SRFBP1: variants seen among roughly 807,000 people sequenced by gnomAD.
SRFBP1 encodes serum response factor-binding protein 1.
Under a neutral mutation model 45.5 loss-of-function variants are expected in SRFBP1, and 47 were observed. The ratio of observed to expected loss-of-function variants is 1.03; its 90% CI spans 0.82 to 1.32. SRFBP1 has a LOEUF of 1.32. Among genes scored for constraint, SRFBP1 ranks in the 40% most tolerant of loss-of-function variants. SRFBP1 has a pLI of 0.00. For synonymous variants in SRFBP1, 203 were observed against 166.3 expected (o/e 1.22, Z -1.70); for missense variants, 621 against 484.6 (o/e 1.28, Z -2.64).
chr5:122,048,785 T>C (rs1254584914), intron 2 of SRFBP1, among the ~76,000 whole-genome samples: 1 of 152,196 alleles, frequency 6.6e-6, no homozygotes, highest in Non-Finnish European at 1.5e-5. Context: ...AGGGTATATG[T>C]GTCCAGGAAT....
intron 2 of SRFBP1, among the ~76,000 whole-genome samples, chr5:122,046,368 A>G (rs1382138981): frequency 1.3e-5 from 2 of 152,156 alleles, no homozygotes; most frequent in African/African-American, 4.8e-5. Context: ...CCTACAAAGG[A>G]CATGAACTCA....
intron 2 of SRFBP1, among the ~76,000 whole-genome samples, chr5:122,040,774 T>G (rs1023855605): frequency 2.6e-5 from 4 of 152,190 alleles, no homozygotes; most frequent in African/African-American, 9.6e-5. Flanking sequence ...TATATGTTCT[T>G]GAGTGCTTGA....
rs138886857 is a variant in SRFBP1, at chr5:122,005,199, T to C, written c.270+10529T>C. 1.9e-3 allele frequency among the ~76,000 whole-genome samples: 286 copies of C among 152,282 alleles called. 2 individuals carry two copies. The highest frequency in any genetic ancestry group is 6.5e-3 in the African/African-American group (271 of 41,560). On this transcript the variant is annotated intron_variant, in intron 4 of 7. Coordinates refer to ENST00000339397, the MANE Select transcript of SRFBP1 (RefSeq NM_152546.3). The stretch of plus-strand genomic sequence containing the variant: ...ATACTATTAACCTGATGTTTCCTTA[T>C]TGATTTTCTGCCTCGATGACCTGTG...
In SRFBP1 at chr5:122,019,303, T is replaced by A; in HGVS notation, c.314T>A (p.Val105Glu). The change falls in exon 5 of 8, where the codon GTA becomes GAA. Residue 105 changes from valine (V) to glutamate (E), a missense_variant. Transcript: ENST00000339397. The part of the protein sequence containing the change: ...ATERAIARLA[V>E]HPLLKKKIDV... ...GAAAGAGCAATTGCCAGACTAGCAG[T>A]ACATCCTCTTCTGAAGAAAAAGATA... 1 of 1,612,618 alleles carries A rather than the reference T, an allele frequency of 6.2e-7. No individual in the cohort carries two copies. Among genetic ancestry groups the A allele is most frequent in the African/African-American group, 1.3e-5 (1 of 75,004 alleles).
rs770682980 is a variant in SRFBP1 at position 122,070,165 on chromosome 5, T to C, written n.312-5150T>C. ...GGAACCAGGTAGCTGGGGTTTACAC[T>C]GACCTGGGCAACACAAAGAGTTCCT... On this transcript the variant is annotated intron_variant and non_coding_transcript_variant, in intron 2 of 2. Transcript: ENST00000504881. 4 of 1,561,992 alleles carry C rather than the reference T, an allele frequency of 2.6e-6. No homozygotes were observed. In the South Asian group the frequency reaches 4.4e-5, roughly 17 times the overall value.
In SRFBP1 at chr5:121,969,199, A is replaced by G. The variant is rs144847716; in HGVS notation, c.37-4997A>G. ...AAGAGATTGTGTGAATGAGAAAGCT[A>G]GTTTATTAAAAAACGTGTCTAATAT... On this transcript the variant is annotated intron_variant, in intron 1 of 7. Coordinates refer to ENST00000339397, the MANE Select transcript of SRFBP1 (RefSeq NM_152546.3). Among the ~76,000 whole-genome samples the G allele has an allele frequency of 3.3e-5, 5 of 152,346 alleles. No homozygotes were observed. The East Asian group carries it at 9.6e-4, about 29-fold the overall frequency.
chr5:122,007,618 C>T (rs925768653), intron 4 of SRFBP1, among the ~76,000 whole-genome samples: 4 of 151,142 alleles, frequency 2.6e-5, no homozygotes, highest in South Asian at 2.1e-4. Context: ...GGGGCAGGCC[C>T]GGGACCTGTG....
At chr5:121,975,219 A>C (rs2112819027) in intron 2 of SRFBP1, 96 bp from the exon 3 acceptor site, 2 of 1,266,102 alleles carry the variant, frequency 1.6e-6, no homozygotes, top group African/African-American at 1.5e-5. Context: ...GAGATTTATT[A>C]CGCTTTTCTA....
At chr5:122,034,085 T>G (rs1461403671) in intron 2 of SRFBP1, among the ~76,000 whole-genome samples, 1 of 152,132 alleles carries the variant, frequency 6.6e-6, no homozygotes, top group Non-Finnish European at 1.5e-5. Flanking sequence ...CAGCCTCCCA[T>G]GGTGCTGGGA....
At chr5:122,017,825 T>A (rs547746837) in intron 4 of SRFBP1, among the ~76,000 whole-genome samples, 45 of 152,344 alleles carry the variant, frequency 3.0e-4, no homozygotes, top group Non-Finnish European at 5.4e-4. Context: ...AAATTTAGGA[T>A]AAAGACATTT....
chr5:121,970,537 GTTC>G (rs1561575390), intron 1 of SRFBP1, among the ~76,000 whole-genome samples: 2 of 150,720 alleles, frequency 1.3e-5, no homozygotes, highest in African/African-American at 2.4e-5. Flanking sequence ...CAACGTGGCC[GTTC>G]TTTTTTTTTT....
rs116006529 is a variant in SRFBP1, at chr5:121,968,084, A to G, written c.36+6016A>G. 8.9e-3 allele frequency among the ~76,000 whole-genome samples: 1,361 copies of G among 152,194 alleles called. 7 individuals carry two copies. Among genetic ancestry groups the G allele is most frequent in the Middle Eastern group, 0.024 (7 of 294 alleles). On this transcript the variant is annotated intron_variant, in intron 1 of 7. Coordinates refer to ENST00000339397, the MANE Select transcript of SRFBP1 (RefSeq NM_152546.3). ...TAACATACGTATCTATACCCAGTGT[A>G]TAGTATTGTGTTGTATACTTTTAAA... is the stretch of plus-strand genomic sequence containing the variant.
At chr5:121,990,791 G>A (rs1046822107) in intron 3 of SRFBP1, among the ~76,000 whole-genome samples, 3 of 152,130 alleles carry the variant, frequency 2.0e-5, no homozygotes, top group African/African-American at 7.2e-5. Context: ...TTTTATGTAT[G>A]TCCTCAACAC....
chr5:122,021,952 C>T (rs1006497814), intron 6 of SRFBP1, among the ~76,000 whole-genome samples: 5 of 151,862 alleles, frequency 3.3e-5, no homozygotes, highest in African/African-American at 4.8e-5. Flanking sequence ...GCTCAGCCTC[C>T]CAAAGTGCTG....
chr5:121,966,204 C>T (rs1005529546), intron 1 of SRFBP1, among the ~76,000 whole-genome samples: 15 of 152,208 alleles, frequency 9.9e-5, no homozygotes, highest in Admixed American at 2.6e-4. Flanking sequence ...ATTACCCCGG[C>T]CAGAACTTCC....
chr5:121,981,400 T>G (rs1481357650), intron 3 of SRFBP1, among the ~76,000 whole-genome samples: 2 of 151,942 alleles, frequency 1.3e-5, no homozygotes, highest in Non-Finnish European at 1.5e-5. Flanking sequence ...CTGCCTCTGG[T>G]CTCGCCTTCA....
chr5:121,995,071 T>G (rs1330494000), intron 4 of SRFBP1, among the ~76,000 whole-genome samples: 1 of 151,426 alleles, frequency 6.6e-6, no homozygotes, highest in East Asian at 1.9e-4. Flanking sequence ...AATGGGAGAC[T>G]TTAACACCCC....
chr5:121,982,990 A>G (rs985730563), intron 3 of SRFBP1, among the ~76,000 whole-genome samples: 1 of 151,848 alleles, frequency 6.6e-6, no homozygotes, highest in Non-Finnish European at 1.5e-5. Context: ...AACCAATACT[A>G]CTATCATAAT....
intron 4 of SRFBP1, among the ~76,000 whole-genome samples, chr5:122,013,733 AG>A (rs1753140845): frequency 6.6e-6 from 1 of 152,174 alleles, no homozygotes; most frequent in Non-Finnish European, 1.5e-5. Context: ...AAGAACAAAA[AG>A]TCTGCTAACA....
Sources: gnomAD v4.1 joint callset for allele counts (sites outside exome capture counted in the v4.1 genomes callset) on GRCh38, gnomAD v4.1.1 for gene constraint, MANE v1.5 for transcripts, NCBI Gene and HGNC (gene_info 2026-07-23, HGNC 2026-07-21) for gene names.